The following CSMD1 variants were observed in gnomAD, a reference collection of about 807,000 sequenced individuals.
The protein encoded by CSMD1 is CUB and sushi domain-containing protein 1.
Under a neutral mutation model 417.5 loss-of-function variants are expected in CSMD1, and 213 were observed. The observed-to-expected ratio is 0.51, with a 90% CI of 0.46 to 0.57. The LOEUF (loss-of-function observed/expected upper bound fraction) is 0.57, where lower values mean the gene tolerates loss of function less well. Among genes scored for constraint, CSMD1 ranks in the 20% least tolerant of loss-of-function variants. The pLI, the probability that CSMD1 is intolerant of heterozygous loss-of-function variation, is 0.00. For missense variants in CSMD1, 6,923 were observed against 4,529.7 expected (o/e 1.53, Z -15.17); for synonymous variants, 2,862 against 1,736.8 (o/e 1.65, Z -16.11).
chr8:4,003,945 C>G (rs1370583840), intron 4 of CSMD1, among the ~76,000 whole-genome samples: 2 of 58,916 alleles, frequency 3.4e-5, no homozygotes, highest in Admixed American at 1.6e-4. Context: ...GAAAACAGAA[C>G]AAAACAAAAA....
At chr8:4,268,322 T>G (rs1317580112) in intron 3 of CSMD1, among the ~76,000 whole-genome samples, 1 of 152,134 alleles carries the variant, frequency 6.6e-6, no homozygotes, top group South Asian at 2.1e-4. Flanking sequence ...CATTATGACC[T>G]GAATATTAAT....
At chr8:3,195,382 G>A (rs150668429) in intron 33 of CSMD1, among the ~76,000 whole-genome samples, 2 of 152,272 alleles carry the variant, frequency 1.3e-5, no homozygotes, top group African/African-American at 2.4e-5. Flanking sequence ...TGATTCTAAT[G>A]TTGAAAGACG....
chr8:4,787,256 C>G lies in CSMD1; in HGVS notation c.86-149698G>C, dbSNP rs1406176030. On this transcript the variant is annotated intron_variant, in intron 1 of 69. Coordinates refer to ENST00000635120, the MANE Select transcript of CSMD1 (RefSeq NM_033225.6). Reference sequence around the variant, plus strand: ...GCGCCTCCTTCCCCGCCCAGAGATGCTCTCTGATCACCCCTCTTTTCTAGA... The same window carrying G: ...GCGCCTCCTTCCCCGCCCAGAGATGGTCTCTGATCACCCCTCTTTTCTAGA... 9.0e-6 allele frequency: 5 copies of G among 556,686 alleles called. No homozygotes were observed. In the East Asian group the frequency reaches 1.0e-4, roughly 11 times the overall value. 34.5% of individuals were successfully genotyped at this position (556,686 alleles called of 1,614,324 possible). A position where few individuals can be genotyped will look rare whatever the true frequency, so the allele number is the denominator to read the frequency against.
chr8:4,699,239 C>A (rs918476927), intron 1 of CSMD1, among the ~76,000 whole-genome samples: 1 of 152,162 alleles, frequency 6.6e-6, no homozygotes, highest in African/African-American at 2.4e-5. Flanking sequence ...TAAAGGATAA[C>A]TTTCAAAGAG....
chr8:4,024,406 G>T (rs1366940987), intron 4 of CSMD1, among the ~76,000 whole-genome samples: 4 of 152,120 alleles, frequency 2.6e-5, no homozygotes, highest in African/African-American at 9.7e-5. Context: ...ACTTTCATGG[G>T]AAAACTTTAT....
At chr8:4,851,811 A>C (rs1801497517) in intron 1 of CSMD1, among the ~76,000 whole-genome samples, 1 of 152,190 alleles carries the variant, frequency 6.6e-6, no homozygotes, top group African/African-American at 2.4e-5. Context: ...TTGTGTGATT[A>C]AATGTTTCCC....
At chr8:3,062,759 C>T (rs1454951726) in intron 49 of CSMD1, among the ~76,000 whole-genome samples, 1 of 152,070 alleles carries the variant, frequency 6.6e-6, no homozygotes, top group Non-Finnish European at 1.5e-5. Flanking sequence ...AAATAAACAG[C>T]TAATTATTAC....
At chr8:3,143,326 T>A (rs1818623146) in intron 40 of CSMD1, among the ~76,000 whole-genome samples, 1 of 152,190 alleles carries the variant, frequency 6.6e-6, no homozygotes, top group African/African-American at 2.4e-5. Context: ...AAACAAATTA[T>A]TGATGTTTGT....
At chr8:4,104,960 G>A (rs527728425) in intron 3 of CSMD1, among the ~76,000 whole-genome samples, 2 of 151,662 alleles carry the variant, frequency 1.3e-5, no homozygotes, top group South Asian at 4.2e-4. Context: ...CACAGCCACT[G>A]CCAATTCGAT....
chr8:4,022,446 T>C (rs1356484594), intron 4 of CSMD1, among the ~76,000 whole-genome samples: 1 of 152,176 alleles, frequency 6.6e-6, no homozygotes, highest in Non-Finnish European at 1.5e-5. Context: ...TGGGCGTGGA[T>C]GCAGATAAGG....
intron 3 of CSMD1, among the ~76,000 whole-genome samples, chr8:4,159,275 G>C (rs951037053): frequency 6.6e-6 from 1 of 152,124 alleles, no homozygotes; most frequent in African/African-American, 2.4e-5. Flanking sequence ...AGCATTTAGT[G>C]TAAGTTTAAT....
intron 49 of CSMD1, 36 bp downstream of exon 49, chr8:3,087,061 A>G (rs1379641766): frequency 3.8e-6 from 6 of 1,568,076 alleles, no homozygotes; most frequent in Non-Finnish European, 5.3e-6. Flanking sequence ...AGCAATACAC[A>G]GGAAACAAGG....
At chr8:4,618,306 T>C (rs1472001380) in intron 2 of CSMD1, among the ~76,000 whole-genome samples, 2 of 111,662 alleles carry the variant, frequency 1.8e-5, no homozygotes, top group African/African-American at 3.7e-5. Context: ...ATGTCCCTCA[T>C]AAGCAGGAAA....
chr8:4,046,595 C>T (rs1015220045), intron 3 of CSMD1, among the ~76,000 whole-genome samples: 2 of 152,098 alleles, frequency 1.3e-5, no homozygotes, highest in African/African-American at 4.8e-5. Context: ...TTCTGAAGAC[C>T]TACTGTTGAT....
At chr8:3,614,013 G>C (rs976930494) in intron 8 of CSMD1, among the ~76,000 whole-genome samples, 3 of 151,888 alleles carry the variant, frequency 2.0e-5, no homozygotes, top group East Asian at 1.9e-4. Context: ...TAGGGAGAAA[G>C]TTCTAGGAAA....
At chr8:4,457,104 C>G (rs929067197) in intron 2 of CSMD1, among the ~76,000 whole-genome samples, 17 of 151,810 alleles carry the variant, frequency 1.1e-4, no homozygotes, top group African/African-American at 4.1e-4. Flanking sequence ...ATATGACTAT[C>G]GATGTGTTTC....
At chr8:2,955,147 C>T (rs1802910952) in intron 64 of CSMD1, among the ~76,000 whole-genome samples, 1 of 152,152 alleles carries the variant, frequency 6.6e-6, no homozygotes, top group Admixed American at 6.5e-5. Context: ...TGAGGTTTTA[C>T]CACAAACAGC....
At chr8:4,742,206 AT>A (rs1356617529) in intron 1 of CSMD1, among the ~76,000 whole-genome samples, 2 of 149,430 alleles carry the variant, frequency 1.3e-5, no homozygotes, top group African/African-American at 4.9e-5. Context: ...AATTTTTTGT[AT>A]TTTTAGTAGA....
At chr8:4,418,560 C>A (rs1797075777) in intron 3 of CSMD1, among the ~76,000 whole-genome samples, 1 of 152,170 alleles carries the variant, frequency 6.6e-6, no homozygotes, top group Admixed American at 6.6e-5. Context: ...GAAGCATTAT[C>A]TATTTTCTGA....
Sources: gnomAD v4.1 joint callset for allele counts (sites outside exome capture counted in the v4.1 genomes callset) on GRCh38, gnomAD v4.1.1 for gene constraint, MANE v1.5 for transcripts, NCBI Gene and HGNC (gene_info 2026-07-23, HGNC 2026-07-21) for gene names.